Variants in SNURF observed in about 807,000 individuals in gnomAD.
SNURF encodes SNRPN upstream open reading frame.
In SNURF, 6 loss-of-function variants were observed where a neutral mutation model predicts 11.6. That is an observed-to-expected ratio of 0.52 (90% CI 0.28 to 1.02). The LOEUF is 1.02. Among genes scored for constraint, SNURF ranks in the 50% least tolerant of loss-of-function variants. The pLI is 0.09. For missense variants in SNURF, 84 were observed against 88.4 expected, an observed-to-expected ratio of 0.95 and a Z score of 0.20; for synonymous variants, 29 against 31.6, an observed-to-expected ratio of 0.92 and a Z score of 0.27.
chr15:24,971,283 A>T (rs772493878), downstream of SNURF, among the ~76,000 whole-genome samples: 10 of 151,968 alleles, frequency 6.6e-5, no homozygotes, highest in Non-Finnish European at 1.5e-4. Context: ...TGATGTTGCT[A>T]CTCTCGTCGC....
At chr15:24,957,202 CTT>C (rs1235121113) in intron 1 of SNURF, among the ~76,000 whole-genome samples, 1 of 152,166 alleles carries the variant, frequency 6.6e-6, no homozygotes, top group African/African-American at 2.4e-5. Flanking sequence ...GCACTGCATA[CTT>C]TCCTTAAATG....
At chr15:24,967,844 A>T in intron 2 of SNURF, 88 bp from the exon 3 acceptor site, 24 of 1,009,310 alleles carry the variant, frequency 2.4e-5, no homozygotes, top group Non-Finnish European at 3.7e-5. Context: ...ATCTTCTTAA[A>T]TGTAAGGGTA....
intron 2 of SNURF, among the ~76,000 whole-genome samples, chr15:24,966,147 G>A (rs1046768406): frequency 1.3e-5 from 2 of 152,096 alleles, no homozygotes; most frequent in Non-Finnish European, 2.9e-5. Flanking sequence ...CCAACTCCAA[G>A]CTCCAGGGTT....
At chr15:24,978,008 G>A (rs558748732), downstream of SNURF, 4 of 1,303,404 alleles carry the variant, frequency 3.1e-6, no homozygotes, top group Admixed American at 4.7e-5. Context: ...TAAGAATTTG[G>A]GGAATATGCT....
At chr15:24,968,073 C>G (rs774369656) in exon 3 of SNURF, 1 of 1,571,448 alleles carries the variant, frequency 6.4e-7, no homozygotes, top group Non-Finnish European at 8.8e-7. Context: ...TGATTCCAAG[C>G]AAAAACCAGG....
At chr15:24,976,646 C>T (rs780443279) in intron 5 of SNURF, among the ~76,000 whole-genome samples, 2 of 152,118 alleles carry the variant, frequency 1.3e-5, no homozygotes, top group Non-Finnish European at 2.9e-5. Context: ...GTTGGTGATT[C>T]ATGTTTGCTT....
In SNURF at chr15:24,960,698, G is replaced by A. The variant is rs144140290; in HGVS notation, c.15-1416G>A. ...TGTGTTTGGAGGACTGTCTATTCAA[G>A]TGTTTTACCCATCGTAGCAATAGAA... is the stretch of plus-strand genomic sequence containing the variant. On this transcript the variant is annotated intron_variant, in intron 1 of 2. Coordinates refer to ENST00000577949, the Ensembl canonical transcript of SNURF. 1.2e-3 allele frequency among the ~76,000 whole-genome samples: 183 copies of A among 152,262 alleles called. 1 individual carries two copies. Among genetic ancestry groups the A allele is most frequent in the African/African-American group, 4.2e-3 (174 of 41,556 alleles).
chr15:24,957,122 G>A (rs1233132119), intron 1 of SNURF, among the ~76,000 whole-genome samples: 2 of 151,492 alleles, frequency 1.3e-5, no homozygotes, highest in Non-Finnish European at 2.9e-5. Flanking sequence ...ATTTCCATTC[G>A]ACACATTTAA....
At chr15:24,977,723 T>G in intron 6 of SNURF, 1 of 1,496,696 alleles carries the variant, frequency 6.7e-7, no homozygotes, top group Non-Finnish European at 9.0e-7. Context: ...TTTTCTGTGT[T>G]TGAATAATGT....
rs1405127593 is a variant in SNURF at position 24,974,367 on chromosome 15, C to T, written c.*46-991C>T. ...CTTGCATTGTTTCTAGGAGAACCTG[C>T]GTCATACCTTTATCTATAGCCTTCC... is the stretch of plus-strand genomic sequence containing the variant. On this transcript the variant is annotated intron_variant and NMD_transcript_variant, in intron 3 of 6. Transcript: ENST00000580062. The T allele has an allele frequency of 2.6e-5, 33 of 1,254,192 alleles. No homozygotes were observed. In the Middle Eastern group the frequency reaches 5.5e-4, roughly 21 times the overall value. The allele number at this position is 1,254,192 out of a possible 1,614,324, so 77.7% of individuals were successfully genotyped here.
chr15:24,961,631 G>A (rs901387631), intron 1 of SNURF, among the ~76,000 whole-genome samples: 2 of 151,798 alleles, frequency 1.3e-5, no homozygotes, highest in Non-Finnish European at 2.9e-5. Context: ...CCTAAAGAAA[G>A]CACCATTTGC....
downstream of SNURF, chr15:24,977,968 C>G: frequency 6.8e-7 from 1 of 1,475,578 alleles, no homozygotes; most frequent in Non-Finnish European, 9.1e-7. Flanking sequence ...TGAGAGATAG[C>G]TTACTGATTT....
At chr15:24,975,275 G>A in intron 3 of SNURF, 3 of 1,078,812 alleles carry the variant, frequency 2.8e-6, no homozygotes, top group Non-Finnish European at 4.1e-6. Context: ...CTTAGATTAT[G>A]TAAGGGTGGA....
intron 1 of SNURF, among the ~76,000 whole-genome samples, chr15:24,959,756 A>G (rs993366520): frequency 1.3e-4 from 20 of 152,156 alleles, no homozygotes; most frequent in African/African-American, 4.8e-4. Context: ...TGGATATATC[A>G]TATTTTCTTC....
intron 3 of SNURF, chr15:24,974,140 A>C: frequency 2.7e-6 from 1 of 366,840 alleles, no homozygotes; most frequent in Non-Finnish European, 5.0e-6. Context: ...GTCAAATGTG[A>C]GAGTTAAGAA....
downstream of SNURF, among the ~76,000 whole-genome samples, chr15:24,971,851 C>T (rs1596313614): frequency 6.6e-6 from 1 of 152,304 alleles, no homozygotes; most frequent in Admixed American, 6.5e-5. Context: ...CCATGAACTA[C>T]TCTGGAAACA....
intron 1 of SNURF, among the ~76,000 whole-genome samples, chr15:24,956,392 G>C (rs940321724): frequency 1.3e-5 from 2 of 151,056 alleles, no homozygotes; most frequent in African/African-American, 4.9e-5. Context: ...AGCCGCCAGT[G>C]GGGAGGGGGC....
chr15:24,964,243 GTAATA>G (rs1468852408), intron 2 of SNURF, among the ~76,000 whole-genome samples: 1 of 152,084 alleles, frequency 6.6e-6, no homozygotes, highest in Non-Finnish European at 1.5e-5. Flanking sequence ...AGTATTTTGT[GTAATA>G]TAATTTGTCC....
At chr15:24,968,179 C>T in exon 3 of SNURF, 1 of 767,528 alleles carries the variant, frequency 1.3e-6, no homozygotes, top group Non-Finnish European at 2.2e-6. Context: ...AATTTTTTTC[C>T]TTAGAGCTTC....
Sources: allele counts gnomAD v4.1 joint callset (sites outside exome capture counted in the v4.1 genomes callset), GRCh38; gene constraint gnomAD v4.1.1; transcripts MANE v1.5; gene names NCBI Gene and HGNC (gene_info 2026-07-23, HGNC 2026-07-21).